The following CPNE8 variants were observed in gnomAD, a reference collection of about 807,000 sequenced individuals.
The protein encoded by CPNE8 is copine 8, also known as copine-8.
CPNE8 carries 45 observed loss-of-function variants against 81.5 expected under a neutral mutation model. The observed-to-expected ratio is 0.55, with a 90% CI of 0.44 to 0.71. CPNE8 has a LOEUF of 0.71. Among genes scored for constraint, CPNE8 ranks in the 30% least tolerant of loss-of-function variants. The pLI is 0.00. For missense variants in CPNE8, 594 were observed against 672.1 expected (o/e 0.88, Z 1.28); for synonymous variants, 252 against 226.3 (o/e 1.11, Z -1.02).
upstream of CPNE8, chr12:38,906,022 A>G (rs1944566819): frequency 4.0e-6 from 4 of 988,526 alleles, no homozygotes; most frequent in South Asian, 1.4e-4. Flanking sequence ...TCTGTCAATC[A>G]GGTGTGGACG....
intron 6 of CPNE8, among the ~76,000 whole-genome samples, chr12:38,821,977 C>T (rs1429971832): frequency 6.6e-6 from 1 of 152,120 alleles, no homozygotes; most frequent in East Asian, 1.9e-4. Flanking sequence ...AAAGAATATA[C>T]CATTTTTCGA....
intron 19 of CPNE8, among the ~76,000 whole-genome samples, chr12:38,667,957 G>A (rs757787944): frequency 2.6e-5 from 4 of 151,884 alleles, no homozygotes; most frequent in Non-Finnish European, 4.4e-5. Context: ...GCCACCACAC[G>A]CTGGTAATTT....
chr12:38,742,684 A>AAATG (rs1472720860), intron 10 of CPNE8, among the ~76,000 whole-genome samples: 4 of 105,610 alleles, frequency 3.8e-5, no homozygotes, highest in Non-Finnish European at 9.0e-5. Flanking sequence ...ATAAATAAAT[A>AAATG]AATAAATAAA....
chr12:38,819,664 G>A (rs1054546799), intron 6 of CPNE8, among the ~76,000 whole-genome samples: 4 of 151,420 alleles, frequency 2.6e-5, no homozygotes, highest in African/African-American at 9.7e-5. Flanking sequence ...CTACTCGGGA[G>A]GCTGACGCAG....
intron 11 of CPNE8, among the ~76,000 whole-genome samples, chr12:38,727,863 C>G (rs182426294): frequency 8.5e-5 from 13 of 152,306 alleles, no homozygotes; most frequent in Admixed American, 6.5e-4. Flanking sequence ...GAATTCTTAT[C>G]TCCGTCCAAC....
rs777833980 is a variant in CPNE8 at position 38,670,789 on chromosome 12, C to G, written c.1446G>C (p.Leu482Phe). 1 of 1,607,206 alleles carries G rather than the reference C, an allele frequency of 6.2e-7. No homozygotes were observed. Among genetic ancestry groups the G allele is most frequent in the African/African-American group, 1.3e-5 (1 of 74,818 alleles). Residue 482 changes from leucine to phenylalanine, a missense_variant, in exon 19 of 20, where the codon TTG becomes TTC. By Grantham distance (22) the Leu-to-Phe change is conservative. Transcript: ENST00000331366. ...GPAEFDAMVE[L>F]DGDDVRVSSR... ...AGGAGACTCTTACATCATCTCCATC[C>G]AATTCGACCATTGCTTTAAGAGAAA... is the stretch of plus-strand genomic sequence containing the variant.
intron 5 of CPNE8, among the ~76,000 whole-genome samples, chr12:38,832,168 A>T (rs140214551): frequency 6.6e-6 from 1 of 152,312 alleles, no homozygotes; most frequent in Admixed American, 6.5e-5. Context: ...ATTGGCCAGA[A>T]CTCCACTAGA....
At chr12:38,769,331 T>C (rs1464648043) in intron 7 of CPNE8, among the ~76,000 whole-genome samples, 1 of 152,168 alleles carries the variant, frequency 6.6e-6, no homozygotes, top group Non-Finnish European at 1.5e-5. Flanking sequence ...GTAAGGACAA[T>C]ATGGACATCA....
intron 15 of CPNE8, among the ~76,000 whole-genome samples, chr12:38,687,605 C>G (rs1292042818): frequency 2.0e-5 from 3 of 151,990 alleles, no homozygotes; most frequent in Non-Finnish European, 4.4e-5. Flanking sequence ...TGGTCTCGAA[C>G]TCCTGACCTC....
At chr12:38,884,302 C>T (rs1226985918) in intron 1 of CPNE8, among the ~76,000 whole-genome samples, 2 of 152,122 alleles carry the variant, frequency 1.3e-5, no homozygotes. Context: ...ACAATATGTG[C>T]TCTTTTTGTG....
At chr12:38,719,553 A>G (rs1476931255) in intron 13 of CPNE8, among the ~76,000 whole-genome samples, 1 of 147,692 alleles carries the variant, frequency 6.8e-6, no homozygotes, top group Non-Finnish European at 1.5e-5. Flanking sequence ...CAGTGTTGCC[A>G]GCCTGGGCAA....
intron 15 of CPNE8, among the ~76,000 whole-genome samples, chr12:38,686,512 T>C (rs1939537856): frequency 6.6e-6 from 1 of 152,232 alleles, no homozygotes; most frequent in Non-Finnish European, 1.5e-5. Flanking sequence ...GTATTAGTTA[T>C]CTATTGCTAT....
chr12:38,789,485 T>C (rs1942274650), intron 6 of CPNE8, among the ~76,000 whole-genome samples: 1 of 151,704 alleles, frequency 6.6e-6, no homozygotes, highest in African/African-American at 2.4e-5. Context: ...GTCCTCAAAT[T>C]ATGAAACTAT....
intron 13 of CPNE8, among the ~76,000 whole-genome samples, chr12:38,705,578 T>C (rs1940084325): frequency 6.6e-6 from 1 of 152,152 alleles, no homozygotes; most frequent in Non-Finnish European, 1.5e-5. Context: ...TACAAACTTT[T>C]AGAAAAAGAA....
chr12:38,748,611 C>T (rs1233656735), intron 10 of CPNE8, among the ~76,000 whole-genome samples: 1 of 152,144 alleles, frequency 6.6e-6, no homozygotes, highest in Non-Finnish European at 1.5e-5. Flanking sequence ...TGCCATTCTC[C>T]TGCCTCAGCC....
chr12:38,797,596 G>C (rs1192301038), intron 6 of CPNE8, among the ~76,000 whole-genome samples: 2 of 152,000 alleles, frequency 1.3e-5, no homozygotes, highest in Non-Finnish European at 2.9e-5. Flanking sequence ...ACAAAGATGG[G>C]GAAAAAACAG....
chr12:38,787,775 C>G (rs1592088342), intron 6 of CPNE8, among the ~76,000 whole-genome samples: 1 of 151,564 alleles, frequency 6.6e-6, no homozygotes, highest in South Asian at 2.1e-4. Context: ...ACAACTGATA[C>G]TGCAGAAATT....
At chr12:38,879,624 C>T (rs899333441) in intron 1 of CPNE8, among the ~76,000 whole-genome samples, 1 of 152,044 alleles carries the variant, frequency 6.6e-6, no homozygotes, top group Non-Finnish European at 1.5e-5. Flanking sequence ...CTCACTCTTT[C>T]CTGCTCAGCA....
At chr12:38,888,938 C>T (rs1237289955) in intron 1 of CPNE8, among the ~76,000 whole-genome samples, 1 of 152,230 alleles carries the variant, frequency 6.6e-6, no homozygotes. Context: ...CTTCTACTAA[C>T]GTTCCTTTCT....
Sources: allele counts gnomAD v4.1 joint callset (sites outside exome capture counted in the v4.1 genomes callset), GRCh38; gene constraint gnomAD v4.1.1; transcripts MANE v1.5; gene names NCBI Gene and HGNC (gene_info 2026-07-23, HGNC 2026-07-21).